Variants in AGPAT3 observed in about 807,000 individuals in gnomAD.
The protein encoded by AGPAT3 is 1-acyl-sn-glycerol-3-phosphate acyltransferase gamma.
A neutral mutation model predicts 47.3 loss-of-function variants in AGPAT3; 5 were observed. That is an observed-to-expected ratio of 0.11 (90% CI 0.06 to 0.22). The LOEUF (loss-of-function observed/expected upper bound fraction) is 0.22. Ranked by LOEUF, AGPAT3 falls within the 10% of genes least tolerant of loss-of-function variation. The pLI is 1.00. For missense variants in AGPAT3, 315 were observed against 493.0 expected (o/e 0.64, Z 3.42); for synonymous variants, 212 against 208.3 (o/e 1.02, Z -0.15).
intron 1 of AGPAT3, among the ~76,000 whole-genome samples, chr21:43,879,698 C>T (rs980481683): frequency 6.6e-6 from 1 of 152,196 alleles, no homozygotes; most frequent in Non-Finnish European, 1.5e-5. Flanking sequence ...ACCTGCTGCG[C>T]TGTGTGCGTG....
intron 3 of AGPAT3, among the ~76,000 whole-genome samples, chr21:43,964,249 G>A (rs575340076): frequency 2.0e-3 from 302 of 152,176 alleles, no homozygotes; most frequent in Non-Finnish European, 3.7e-3. Context: ...GCCTGGCATG[G>A]TGGTGGGCAC....
intron 2 of AGPAT3, among the ~76,000 whole-genome samples, chr21:43,940,571 A>G (rs996120264): frequency 6.6e-6 from 1 of 152,216 alleles, no homozygotes; most frequent in Admixed American, 6.5e-5. Flanking sequence ...AACATTCCTG[A>G]AGGAGCTGAG....
At chr21:43,924,917 C>G (rs1375842254) in intron 2 of AGPAT3, 1 of 152,316 alleles carries the variant, frequency 6.6e-6, no homozygotes, top group Non-Finnish European at 1.5e-5. Flanking sequence ...ATTTCAAGCC[C>G]CGTGTGTCTT....
At chr21:43,886,821 C>G (rs1163319053) in intron 1 of AGPAT3, among the ~76,000 whole-genome samples, 1 of 152,148 alleles carries the variant, frequency 6.6e-6, no homozygotes, top group African/African-American at 2.4e-5. Flanking sequence ...TGTATAAGAA[C>G]CACATTTTCT....
chr21:43,935,557 C>T (rs1247487788), intron 2 of AGPAT3, among the ~76,000 whole-genome samples: 1 of 152,358 alleles, frequency 6.6e-6, no homozygotes, highest in Non-Finnish European at 1.5e-5. Context: ...TACTGGGCAT[C>T]GGCGCTGCTG....
At chr21:43,870,240 A>T (rs2085594564) in intron 1 of AGPAT3, among the ~76,000 whole-genome samples, 1 of 152,204 alleles carries the variant, frequency 6.6e-6, no homozygotes, top group Admixed American at 6.5e-5. Flanking sequence ...CACGTGTTTC[A>T]GTGCACACAG....
At chr21:43,947,692 CTTT>C (rs534895749) in intron 2 of AGPAT3, among the ~76,000 whole-genome samples, 1 of 142,046 alleles carries the variant, frequency 7.0e-6, no homozygotes. Context: ...CTTTTCTTTT[CTTT>C]TTTTTTTTTT....
chr21:43,940,935 G>A (rs1204796403), intron 2 of AGPAT3, among the ~76,000 whole-genome samples: 5 of 152,308 alleles, frequency 3.3e-5, no homozygotes, highest in Admixed American at 2.0e-4. Flanking sequence ...CTGTGTCTCC[G>A]GGCTGGGATT....
intron 2 of AGPAT3, among the ~76,000 whole-genome samples, chr21:43,942,386 G>A (rs1016633490): frequency 1.8e-4 from 28 of 152,176 alleles, no homozygotes; most frequent in African/African-American, 6.5e-4. Context: ...CAGGAGCCTG[G>A]GAGTCTGGCG....
At chr21:43,887,586 G>GCACACACACA (rs144954422) in intron 1 of AGPAT3, among the ~76,000 whole-genome samples, 1 of 151,336 alleles carries the variant, frequency 6.6e-6, no homozygotes, top group Non-Finnish European at 1.5e-5. Flanking sequence ...GTGCGCACAC[G>GCACACACACA]CACACACACA....
intron 1 of AGPAT3, among the ~76,000 whole-genome samples, chr21:43,888,803 A>G (rs1239744936): frequency 3.3e-5 from 5 of 152,206 alleles, no homozygotes. Context: ...AGCTTGGCCA[A>G]CATGGTGAAA....
chr21:43,899,169 C>CT, intron 1 of AGPAT3, among the ~76,000 whole-genome samples: 1 of 43,770 alleles, frequency 2.3e-5, no homozygotes, highest in East Asian at 5.5e-4. Flanking sequence ...CGAACCCGCC[C>CT]CTTGTGTTTG....
intron 2 of AGPAT3, among the ~76,000 whole-genome samples, chr21:43,950,234 C>T (rs1001665495): frequency 9.9e-5 from 15 of 152,234 alleles, no homozygotes; most frequent in Non-Finnish European, 2.1e-4. Context: ...ACTATCAACT[C>T]TAGTTCCTGT....
intron 2 of AGPAT3, among the ~76,000 whole-genome samples, chr21:43,929,905 C>A (rs1241801888): frequency 6.6e-6 from 1 of 152,220 alleles, no homozygotes; most frequent in Non-Finnish European, 1.5e-5. Flanking sequence ...GCGCTCCCAG[C>A]GAGCTCACAG....
At chr21:43,867,914 G>A (rs2085543878) in intron 1 of AGPAT3, among the ~76,000 whole-genome samples, 1 of 152,216 alleles carries the variant, frequency 6.6e-6, no homozygotes, top group South Asian at 2.1e-4. Flanking sequence ...GTCGTTTCAA[G>A]TGGTAAAGTA....
chr21:43,970,607 A>C lies in AGPAT3; in HGVS notation c.511-46A>C. The C allele has an allele frequency of 6.2e-7, 1 of 1,602,088 alleles. No individual in the cohort carries two copies. ...GCAGGCCTGGCCTGGACATGCACCCACCCCAGCTGCTCTGTGGAGTGACCC... is the reference window on the plus strand; with the variant it reads ...GCAGGCCTGGCCTGGACATGCACCCCCCCCAGCTGCTCTGTGGAGTGACCC... On this transcript the variant is annotated intron_variant, in intron 5 of 9. Transcript: ENST00000291572. This position sits in a 1 kb window ranked among gnomAD's most constrained non-coding sequence, Gnocchi z 5.8.
At position 43,939,751 on chromosome 21, in the gene AGPAT3, C is replaced by T. The variant is rs1213159455; in HGVS notation, c.-48-19883C>T. The stretch of plus-strand genomic sequence containing the variant: ...CTCACCAACTCACCCACAACCTGGC[C>T]CCTTGACACACTGGTGCTGTGAGGA... On this transcript the variant is annotated intron_variant, in intron 2 of 9. Transcript: ENST00000291572. This position sits in a 1 kb window ranked among gnomAD's most constrained non-coding sequence, Gnocchi z 4.4. 2.0e-5 allele frequency among the ~76,000 whole-genome samples: 3 copies of T among 152,166 alleles called. No individual in the cohort carries two copies. The highest frequency in any genetic ancestry group is 2.9e-5 in the Non-Finnish European group (2 of 68,030).
At chr21:43,941,307 AT>A (rs1397228656) in intron 2 of AGPAT3, among the ~76,000 whole-genome samples, 2 of 152,184 alleles carry the variant, frequency 1.3e-5, no homozygotes, top group African/African-American at 4.8e-5. Flanking sequence ...ATGCACTTCC[AT>A]TGCTAACAGC....
chr21:43,885,001 T>C (rs551473218), intron 1 of AGPAT3, among the ~76,000 whole-genome samples: 1 of 152,374 alleles, frequency 6.6e-6, no homozygotes, highest in East Asian at 1.9e-4. Flanking sequence ...TCATGCCCCG[T>C]GGCATTCTCT....
Sources: allele counts gnomAD v4.1 joint callset (sites outside exome capture counted in the v4.1 genomes callset), GRCh38; gene constraint gnomAD v4.1.1; non-coding constraint Gnocchi (gnomAD v3.1); transcripts MANE v1.5; gene names NCBI Gene and HGNC (gene_info 2026-07-23, HGNC 2026-07-21).